Variants in ZSWIM5 observed in about 807,000 individuals in gnomAD.
ZSWIM5 encodes the protein zinc finger SWIM-type containing 5, also known as zinc finger SWIM domain-containing protein 5.
In ZSWIM5, 55 loss-of-function variants were observed where a neutral mutation model predicts 119.6. The observed-to-expected ratio is 0.46, with a 90% CI of 0.37 to 0.58. The LOEUF is 0.58. Ranked by LOEUF, ZSWIM5 falls within the 20% of genes least tolerant of loss-of-function variation. The probability of loss-of-function intolerance (pLI) is 0.00; values close to 1 mark genes in which losing one functional copy is unlikely to be tolerated. For missense variants in ZSWIM5, 1,193 were observed against 1,512.8 expected, an observed-to-expected ratio of 0.79 and a Z score of 3.51; for synonymous variants, 537 against 606.9, an observed-to-expected ratio of 0.88 and a Z score of 1.69.
intron 11 of ZSWIM5, among the ~76,000 whole-genome samples, chr1:45,033,269 T>G (rs1046373958): frequency 6.6e-6 from 1 of 152,190 alleles, no homozygotes; most frequent in Non-Finnish European, 1.5e-5. Flanking sequence ...ATCATATGCT[T>G]TGTTCTATTT....
chr1:45,116,059 A>C (rs986093376), intron 1 of ZSWIM5, among the ~76,000 whole-genome samples: 2 of 151,978 alleles, frequency 1.3e-5, no homozygotes, highest in African/African-American at 4.8e-5. Context: ...TGGCGGCAGT[A>C]CAGTCCAGCC....
At chr1:45,076,035 GCTT>G (rs760996021) in intron 2 of ZSWIM5, among the ~76,000 whole-genome samples, 2 of 151,874 alleles carry the variant, frequency 1.3e-5, no homozygotes, top group Non-Finnish European at 2.9e-5. Flanking sequence ...TCGTGCCCCT[GCTT>G]CTTAACTTTT....
At chr1:45,205,197 T>C (rs1646180288) in intron 1 of ZSWIM5, among the ~76,000 whole-genome samples, 1 of 151,582 alleles carries the variant, frequency 6.6e-6, no homozygotes. Flanking sequence ...TTATTGTTAG[T>C]CCGCAGCCTA....
At chr1:45,077,858 G>A (rs965691527) in intron 2 of ZSWIM5, among the ~76,000 whole-genome samples, 3 of 152,212 alleles carry the variant, frequency 2.0e-5, no homozygotes, top group Non-Finnish European at 4.4e-5. Context: ...GCTTTTGAAA[G>A]AAGAGAAATA....
intron 2 of ZSWIM5, among the ~76,000 whole-genome samples, chr1:45,067,057 C>T (rs1557754489): frequency 6.6e-6 from 1 of 152,054 alleles, no homozygotes; most frequent in Admixed American, 6.5e-5. Context: ...AATAAAATCA[C>T]ATTTGGGTAT....
At chr1:45,112,959 A>G (rs1015889550) in intron 1 of ZSWIM5, among the ~76,000 whole-genome samples, 8 of 152,216 alleles carry the variant, frequency 5.3e-5, no homozygotes, top group Non-Finnish European at 1.2e-4. Context: ...GAGTAGACTG[A>G]TGTCAAGTGT....
intron 1 of ZSWIM5, among the ~76,000 whole-genome samples, chr1:45,180,416 C>G (rs1289029022): frequency 6.6e-6 from 1 of 152,202 alleles, no homozygotes; most frequent in Non-Finnish European, 1.5e-5. Flanking sequence ...CTTAGGTAAA[C>G]AAAGCAGCCG....
At chr1:45,105,185 C>T (rs920565361) in intron 1 of ZSWIM5, among the ~76,000 whole-genome samples, 1 of 152,144 alleles carries the variant, frequency 6.6e-6, no homozygotes, top group African/African-American at 2.4e-5. Flanking sequence ...CTCCTGGCCT[C>T]GGGTGATCTC....
intron 2 of ZSWIM5, among the ~76,000 whole-genome samples, chr1:45,085,395 T>G (rs1330253706): frequency 1.3e-5 from 2 of 152,224 alleles, no homozygotes; most frequent in Non-Finnish European, 2.9e-5. Context: ...TAAGCAAATT[T>G]CTGCAGCCAG....
At chr1:45,069,405 G>A (rs915779882) in intron 2 of ZSWIM5, among the ~76,000 whole-genome samples, 3 of 149,766 alleles carry the variant, frequency 2.0e-5, no homozygotes, top group South Asian at 2.1e-4. Flanking sequence ...CAGCCTGGAC[G>A]ACAGAGTGAG....
At chr1:45,099,859 AAAAAC>A (rs1645427697) in intron 1 of ZSWIM5, among the ~76,000 whole-genome samples, 1 of 151,792 alleles carries the variant, frequency 6.6e-6, no homozygotes, top group Non-Finnish European at 1.5e-5. Flanking sequence ...CCTTCATGCT[AAAAAC>A]TCTCAATAAA....
intron 1 of ZSWIM5, among the ~76,000 whole-genome samples, chr1:45,200,263 T>C (rs1646150945): frequency 6.6e-6 from 1 of 152,188 alleles, no homozygotes; most frequent in African/African-American, 2.4e-5. Flanking sequence ...CAGAGTAATT[T>C]AGCGTATAAT....
chr1:45,034,183 G>A, intron 11 of ZSWIM5, 129 bp downstream of exon 11: 2 of 1,145,362 alleles, frequency 1.7e-6, no homozygotes, highest in Admixed American at 2.7e-5. Flanking sequence ...CAATCAAAGT[G>A]AGGACCACTA....
intron 10 of ZSWIM5, 144 bp downstream of exon 10, chr1:45,035,544 T>A (rs1426902108): frequency 1.9e-6 from 2 of 1,054,436 alleles, no homozygotes; most frequent in East Asian, 2.6e-5. Flanking sequence ...TATAAAAATA[T>A]CTGAGCCATT....
intron 2 of ZSWIM5, among the ~76,000 whole-genome samples, chr1:45,087,638 T>C (rs948730533): frequency 6.6e-6 from 1 of 152,260 alleles, no homozygotes; most frequent in Non-Finnish European, 1.5e-5. Flanking sequence ...TATAATACTA[T>C]CATTCTCTGT....
At chr1:45,168,664 C>CAAAAA (rs1024002696) in intron 1 of ZSWIM5, among the ~76,000 whole-genome samples, 2 of 39,206 alleles carry the variant, frequency 5.1e-5, no homozygotes, top group Non-Finnish European at 1.1e-4. Context: ...GACTCCATCT[C>CAAAAA]AAAAAAAAAA....
intron 1 of ZSWIM5, among the ~76,000 whole-genome samples, chr1:45,136,866 TCTC>T (rs764516020): frequency 4.8e-4 from 73 of 152,186 alleles, no homozygotes; most frequent in Non-Finnish European, 8.7e-4. Flanking sequence ...TACCAGGGGC[TCTC>T]CTCCTTAGCA....
intron 6 of ZSWIM5, among the ~76,000 whole-genome samples, chr1:45,042,813 T>G (rs977767877): frequency 1.3e-5 from 2 of 152,190 alleles, no homozygotes; most frequent in Non-Finnish European, 2.9e-5. Context: ...AAATGCAGAT[T>G]GTGTCTACTT....
chr1:45,147,730 A>ACCCACACC (rs1428279959), intron 1 of ZSWIM5, among the ~76,000 whole-genome samples: 1 of 151,602 alleles, frequency 6.6e-6, no homozygotes, highest in Non-Finnish European at 1.5e-5. Flanking sequence ...TTTTCTCATC[A>ACCCACACC]CCCACACCCC....
Sources: gnomAD v4.1 joint callset for allele counts (sites outside exome capture counted in the v4.1 genomes callset) on GRCh38, gnomAD v4.1.1 for gene constraint, MANE v1.5 for transcripts, NCBI Gene and HGNC (gene_info 2026-07-23, HGNC 2026-07-21) for gene names.